The following CA10 variants were observed in gnomAD, a reference collection of about 807,000 sequenced individuals.
The protein encoded by CA10 is carbonic anhydrase 10 (inactive).
Under a neutral mutation model 44.2 loss-of-function variants are expected in CA10, and 14 were observed. The ratio of observed to expected loss-of-function variants is 0.32; its 90% CI spans 0.21 to 0.50. CA10 has a LOEUF of 0.50. Ranked by LOEUF, CA10 falls within the 20% of genes least tolerant of loss-of-function variation. CA10 has a pLI of 0.99. For missense variants in CA10, 350 were observed against 409.7 expected, an observed-to-expected ratio of 0.85 and a Z score of 1.26; for synonymous variants, 159 against 141.6, an observed-to-expected ratio of 1.12 and a Z score of -0.87.
At chr17:52,039,428 T>C (rs1332982805) in intron 2 of CA10, among the ~76,000 whole-genome samples, 2 of 152,050 alleles carry the variant, frequency 1.3e-5, no homozygotes, top group African/African-American at 2.4e-5. Flanking sequence ...GAAAGTTACA[T>C]TGATTTTTTT....
intron 4 of CA10, among the ~76,000 whole-genome samples, chr17:51,674,757 G>A (rs771228158): frequency 5.9e-5 from 9 of 151,986 alleles, no homozygotes; most frequent in African/African-American, 1.7e-4. Context: ...ATTTTATCAC[G>A]TGGCCGTGGA....
At chr17:51,827,875 G>C (rs905066332) in intron 3 of CA10, among the ~76,000 whole-genome samples, 1 of 152,166 alleles carries the variant, frequency 6.6e-6, no homozygotes, top group Admixed American at 6.5e-5. Flanking sequence ...AATGTAGTCA[G>C]AAATAATGTG....
chr17:51,890,465 C>T (rs1234267447), intron 3 of CA10, among the ~76,000 whole-genome samples: 3 of 152,192 alleles, frequency 2.0e-5, no homozygotes, highest in African/African-American at 7.2e-5. Flanking sequence ...CTTTAAGACC[C>T]TACCCTAGGT....
intron 2 of CA10, among the ~76,000 whole-genome samples, chr17:51,975,417 G>T (rs1415394697): frequency 1.3e-5 from 2 of 152,126 alleles, no homozygotes; most frequent in African/African-American, 4.8e-5. Context: ...AGTGACTCAC[G>T]CCTGTAATCC....
At chr17:52,073,506 G>A (rs1473602495) in intron 1 of CA10, among the ~76,000 whole-genome samples, 1 of 152,204 alleles carries the variant, frequency 6.6e-6, no homozygotes, top group African/African-American at 2.4e-5. Flanking sequence ...GACATAGGAT[G>A]AGTGAAACTG....
At chr17:52,004,524 A>T (rs749502192) in intron 2 of CA10, among the ~76,000 whole-genome samples, 1 of 151,952 alleles carries the variant, frequency 6.6e-6, no homozygotes, top group Non-Finnish European at 1.5e-5. Flanking sequence ...ATTTTCTTAG[A>T]AGTTCACAGT....
At chr17:51,682,771 G>T (rs901534027) in intron 4 of CA10, among the ~76,000 whole-genome samples, 4 of 150,248 alleles carry the variant, frequency 2.7e-5, no homozygotes, top group Non-Finnish European at 3.0e-5. Context: ...GAAATGGAAA[G>T]ACGGAACACG....
At chr17:52,067,942 G>T (rs1987579156) in intron 2 of CA10, among the ~76,000 whole-genome samples, 2 of 152,164 alleles carry the variant, frequency 1.3e-5, no homozygotes. Context: ...AGGCAGAAGG[G>T]GCTGGCCTTG....
chr17:52,005,057 G>A (rs1985550998), intron 2 of CA10, among the ~76,000 whole-genome samples: 2 of 151,894 alleles, frequency 1.3e-5, no homozygotes, highest in South Asian at 4.2e-4. Flanking sequence ...TCGTATATTA[G>A]CAAGTTATTC....
chr17:51,806,772 A>T (rs544951542), intron 3 of CA10, among the ~76,000 whole-genome samples: 2 of 152,358 alleles, frequency 1.3e-5, no homozygotes, highest in Middle Eastern at 3.4e-3. Flanking sequence ...GAATTCCATC[A>T]GCACAAGGAA....
At chr17:51,969,682 T>C (rs576779345) in intron 2 of CA10, among the ~76,000 whole-genome samples, 1 of 152,050 alleles carries the variant, frequency 6.6e-6, no homozygotes, top group East Asian at 1.9e-4. Flanking sequence ...GGATATTTAT[T>C]GAGTACCCCC....
intron 1 of CA10, among the ~76,000 whole-genome samples, chr17:52,152,858 A>G (rs1011514669): frequency 6.6e-6 from 1 of 152,118 alleles, no homozygotes; most frequent in Non-Finnish European, 1.5e-5. Flanking sequence ...TATAATTTTT[A>G]TTTTACAGAT....
chr17:51,801,451 G>C (rs9914131), intron 3 of CA10, among the ~76,000 whole-genome samples: 8 of 151,866 alleles, frequency 5.3e-5, no homozygotes, highest in African/African-American at 1.9e-4. Flanking sequence ...TCTTAACAGC[G>C]TGAGTGTGCT....
chr17:51,888,370 G>A (rs189168318), intron 3 of CA10, among the ~76,000 whole-genome samples: 43 of 152,158 alleles, frequency 2.8e-4, no homozygotes, highest in Middle Eastern at 3.4e-3. Flanking sequence ...ATCTTTAAGC[G>A]GTACACCATG....
intron 3 of CA10, among the ~76,000 whole-genome samples, chr17:51,750,146 A>G (rs1442836362): frequency 6.6e-6 from 1 of 152,152 alleles, no homozygotes; most frequent in Non-Finnish European, 1.5e-5. Context: ...TATTTTTTCT[A>G]ATTATTAAGA....
chr17:52,104,053 AAATT>A (rs1988601465), intron 1 of CA10, among the ~76,000 whole-genome samples: 1 of 152,252 alleles, frequency 6.6e-6, no homozygotes, highest in Admixed American at 6.5e-5. Context: ...GATAATTAAA[AAATT>A]AATAATACCT....
chr17:51,891,560 G>GGTTTAC (rs1331560574), intron 3 of CA10, among the ~76,000 whole-genome samples: 2 of 152,196 alleles, frequency 1.3e-5, no homozygotes, highest in African/African-American at 4.8e-5. Flanking sequence ...TGATGTACAG[G>GGTTTAC]GTTTACGTTT....
chr17:52,157,860 C>A lies in CA10; in HGVS notation c.-74G>T. Reference sequence around the variant, plus strand: ...AGGGGGGAGCCCGACACGGCACACACACATACACACTCGCACACACTTCCG... The same window carrying A: ...AGGGGGGAGCCCGACACGGCACACAAACATACACACTCGCACACACTTCCG... On this transcript the variant is annotated 5_prime_UTR_variant, in exon 1 of 9. Transcript: ENST00000451037. The A allele has an allele frequency of 8.7e-7, 1 of 1,143,350 alleles. No individual in the cohort carries two copies. Among genetic ancestry groups the A allele is most frequent in the Admixed American group, 1.7e-5 (1 of 59,362 alleles). The allele number at this position is 1,143,350 out of a possible 1,614,324, so 70.8% of individuals were successfully genotyped here. A position where few individuals can be genotyped will look rare whatever the true frequency, so the allele number is the denominator to read the frequency against.
intron 6 of CA10, among the ~76,000 whole-genome samples, chr17:51,640,913 A>T (rs10491154): frequency 0.67 from 101,620 of 151,888 alleles, 34,625 homozygotes; most frequent in South Asian, 0.76. Context: ...TAAACTTCCA[A>T]GGCTCTATTC....
Sources: allele counts gnomAD v4.1 joint callset (sites outside exome capture counted in the v4.1 genomes callset), GRCh38; gene constraint gnomAD v4.1.1; transcripts MANE v1.5; gene names NCBI Gene and HGNC (gene_info 2026-07-23, HGNC 2026-07-21).